The following ASTN2 variants were observed in gnomAD, a reference collection of about 807,000 sequenced individuals.
ASTN2 encodes the protein astrotactin 2, also known as astrotactin-2.
In ASTN2, 54 loss-of-function variants were observed where a neutral mutation model predicts 139.8. The observed-to-expected ratio is 0.39, with a 90% CI of 0.31 to 0.48. The LOEUF (loss-of-function observed/expected upper bound fraction) is 0.48, where lower values mean the gene tolerates loss of function less well. ASTN2 is among the 20% of genes least tolerant of loss of function. ASTN2 has a pLI of 0.95. For missense variants in ASTN2, 1,565 were observed against 1,725.1 expected (o/e 0.91, Z 1.64); for synonymous variants, 756 against 719.5 (o/e 1.05, Z -0.81).
intron 11 of ASTN2, among the ~76,000 whole-genome samples, chr9:116,840,509 ACC>A (rs748543769): frequency 2.5e-4 from 8 of 32,178 alleles, no homozygotes; most frequent in African/African-American, 3.9e-4. Context: ...CGGGGGGCTG[ACC>A]CCCCCCACCT....
rs757848093 is a variant in ASTN2, at chr9:116,597,299, A to ATTTTTTTTTTT, written c.3355+21014_3355+21024dup. ...CAAAATATTCCATGACTTTTGATCT[A>ATTTTTTTTTTT]TTTTTTTTTTTTTTTTTTTTTTTTG... On this transcript the variant is annotated intron_variant, in intron 19 of 22. Transcript: ENST00000313400. 3.8e-3 allele frequency among the ~76,000 whole-genome samples: 287 copies of ATTTTTTTTTTT among 75,412 alleles called. 31 individuals carry two copies. Among genetic ancestry groups the ATTTTTTTTTTT allele is most frequent in the East Asian group, 0.022 (45 of 2,004 alleles). The allele number at this position is 75,412 out of a possible 152,430, so 49.5% of individuals were successfully genotyped here.
intron 16 of ASTN2, among the ~76,000 whole-genome samples, chr9:116,705,560 A>T (rs1225397845): frequency 6.6e-6 from 1 of 152,222 alleles, no homozygotes; most frequent in Non-Finnish European, 1.5e-5. Context: ...GTGAAAGAAT[A>T]TCAAAACCTG....
At chr9:117,029,302 T>C (rs111870956) in intron 6 of ASTN2, among the ~76,000 whole-genome samples, 5,549 of 152,254 alleles carry the variant, frequency 0.036, 199 homozygotes, top group South Asian at 0.16. Context: ...ATTGCAACCA[T>C]TGGGAGGTTT....
intron 1 of ASTN2, among the ~76,000 whole-genome samples, chr9:117,376,332 T>C (rs1830124022): frequency 6.6e-6 from 1 of 152,084 alleles, no homozygotes; most frequent in Non-Finnish European, 1.5e-5. Flanking sequence ...TCAAACTCCA[T>C]TTTCTCCCCT....
intron 20 of ASTN2, among the ~76,000 whole-genome samples, chr9:116,450,641 T>C (rs758126985): frequency 6.6e-6 from 1 of 152,074 alleles, no homozygotes; most frequent in Admixed American, 6.6e-5. Flanking sequence ...ATGTCCAAAC[T>C]TCCCCCCAGC....
At chr9:117,374,065 G>A (rs187944354) in intron 1 of ASTN2, among the ~76,000 whole-genome samples, 1 of 152,118 alleles carries the variant, frequency 6.6e-6, no homozygotes, top group Non-Finnish European at 1.5e-5. Flanking sequence ...AAGAAAGTGG[G>A]GGAAATACTT....
intron 4 of ASTN2, among the ~76,000 whole-genome samples, chr9:117,097,064 C>T (rs1828858699): frequency 6.6e-6 from 1 of 152,118 alleles, no homozygotes; most frequent in Non-Finnish European, 1.5e-5. Flanking sequence ...GAAGAACACT[C>T]CAGTGGTACC....
At chr9:116,613,964 T>C (rs1284196990) in intron 19 of ASTN2, among the ~76,000 whole-genome samples, 2 of 152,206 alleles carry the variant, frequency 1.3e-5, no homozygotes, top group Non-Finnish European at 2.9e-5. Flanking sequence ...CATGATTGTA[T>C]ATTTAGAAAA....
intron 19 of ASTN2, among the ~76,000 whole-genome samples, chr9:116,575,415 CA>C (rs1853686200): frequency 6.6e-6 from 1 of 152,060 alleles, no homozygotes; most frequent in African/African-American, 2.4e-5. Flanking sequence ...AGGATCCCTA[CA>C]GAGGAGTGAT....
chr9:116,423,302 ACAACCCCTTG>A lies in ASTN2; in HGVS notation c.*2539_*2548del, dbSNP rs1847232924. Among the ~76,000 whole-genome samples, 1 of 152,212 alleles carries A rather than the reference ACAACCCCTTG, an allele frequency of 6.6e-6. No homozygotes were observed. On this transcript the variant is annotated 3_prime_UTR_variant, in exon 23 of 23. Coordinates refer to ENST00000313400, the MANE Select transcript of ASTN2 (RefSeq NM_001365068.1). ...ACTCCCTTATCATTCAAGCTGGGAA[ACAACCCCTTG>A]AGGTGGGACCAGCATTGACTCCACT...
At chr9:117,186,302 T>G (rs1341534157) in intron 3 of ASTN2, among the ~76,000 whole-genome samples, 1 of 152,066 alleles carries the variant, frequency 6.6e-6, no homozygotes, top group Non-Finnish European at 1.5e-5. Context: ...ATCCCAGCAC[T>G]TTGGGAGGCT....
At chr9:117,236,985 T>C (rs758729304) in intron 2 of ASTN2, among the ~76,000 whole-genome samples, 3 of 152,172 alleles carry the variant, frequency 2.0e-5, no homozygotes, top group Non-Finnish European at 2.9e-5. Context: ...CTGACATTAG[T>C]CCAGGTCCAA....
intron 20 of ASTN2, among the ~76,000 whole-genome samples, chr9:116,467,899 T>C (rs1006279889): frequency 3.9e-5 from 6 of 152,206 alleles, no homozygotes; most frequent in Non-Finnish European, 7.3e-5. Flanking sequence ...GCTCCTACGA[T>C]TGGCTCTGCA....
intron 20 of ASTN2, among the ~76,000 whole-genome samples, chr9:116,463,997 C>T (rs1174724023): frequency 6.6e-6 from 1 of 151,000 alleles, no homozygotes; most frequent in African/African-American, 2.4e-5. Context: ...ATCTTCCCAC[C>T]TCGGCCTCCC....
intron 2 of ASTN2, among the ~76,000 whole-genome samples, chr9:117,218,609 T>C (rs1011726590): frequency 2.0e-5 from 3 of 152,176 alleles, no homozygotes. Context: ...AGTAGTGGAA[T>C]ACATAAAATT....
rs555452884 is a variant in ASTN2, at chr9:116,706,541, G to C, written c.2806+19230C>G. 5.3e-5 allele frequency among the ~76,000 whole-genome samples: 8 copies of C among 152,194 alleles called. No individual in the cohort carries two copies. The South Asian group carries it at 1.5e-3, about 28-fold the overall frequency. ...CCTGCTTGAGAACTCGCTGCTCTCT[G>C]TAAAAGCCTCGTGTGAGTGATAAAC... On this transcript the variant is annotated intron_variant, in intron 16 of 22. Coordinates refer to ENST00000313400, the MANE Select transcript of ASTN2 (RefSeq NM_001365068.1).
chr9:117,064,402 G>A (rs1827870384), intron 5 of ASTN2, among the ~76,000 whole-genome samples: 1 of 152,158 alleles, frequency 6.6e-6, no homozygotes, highest in Admixed American at 6.5e-5. Flanking sequence ...GATGATCCCT[G>A]TTGTATCAAA....
At chr9:116,490,741 G>A (rs1401995918) in intron 19 of ASTN2, among the ~76,000 whole-genome samples, 5 of 152,064 alleles carry the variant, frequency 3.3e-5, no homozygotes, top group Admixed American at 1.3e-4. Flanking sequence ...TTACTATCAC[G>A]AGAACAGCAT....
At chr9:117,325,029 C>A (rs1300927446) in intron 1 of ASTN2, among the ~76,000 whole-genome samples, 1 of 152,122 alleles carries the variant, frequency 6.6e-6, no homozygotes, top group Middle Eastern at 3.2e-3. Flanking sequence ...GGTCTGGGAC[C>A]TGGCATGCTG....
Sources: gnomAD v4.1 joint callset for allele counts (sites outside exome capture counted in the v4.1 genomes callset) on GRCh38, gnomAD v4.1.1 for gene constraint, MANE v1.5 for transcripts, NCBI Gene and HGNC (gene_info 2026-07-23, HGNC 2026-07-21) for gene names.